SMARCAD1: variants seen among roughly 807,000 people sequenced by gnomAD.
SMARCAD1 encodes the protein SNF2 related chromatin remodeling ATPase with DExD box 1.
In SMARCAD1, 25 loss-of-function variants were observed where a neutral mutation model predicts 127.1. The ratio of observed to expected loss-of-function variants is 0.20; its 90% CI spans 0.14 to 0.27. The LOEUF (loss-of-function observed/expected upper bound fraction) is 0.27. Ranked by LOEUF, SMARCAD1 falls within the 10% of genes least tolerant of loss-of-function variation. The probability of loss-of-function intolerance (pLI) is 1.00; values close to 1 mark genes in which losing one functional copy is unlikely to be tolerated. For missense variants in SMARCAD1, 807 were observed against 1,206.0 expected, an observed-to-expected ratio of 0.67 and a Z score of 4.90; for synonymous variants, 400 against 396.9, an observed-to-expected ratio of 1.01 and a Z score of -0.09.
chr4:94,231,786 T>C (rs1745882301), intron 3 of SMARCAD1, among the ~76,000 whole-genome samples: 2 of 152,178 alleles, frequency 1.3e-5, no homozygotes, highest in South Asian at 4.1e-4. Flanking sequence ...ACTGTGTTAA[T>C]CTAGAATGGG....
chr4:94,224,132 A>G (rs1159829985), intron 2 of SMARCAD1, among the ~76,000 whole-genome samples: 2 of 152,142 alleles, frequency 1.3e-5, no homozygotes, highest in African/African-American at 2.4e-5. Flanking sequence ...CTTCATGTTT[A>G]TGGCAATTAA....
chr4:94,214,401 A>G (rs546865233), intron 2 of SMARCAD1, among the ~76,000 whole-genome samples: 26 of 151,366 alleles, frequency 1.7e-4, no homozygotes, highest in African/African-American at 5.8e-4. Flanking sequence ...AGCTGGGACT[A>G]CAGGTGCCCG....
At chr4:94,247,089 C>T (rs1264616228) in intron 6 of SMARCAD1, among the ~76,000 whole-genome samples, 1 of 147,828 alleles carries the variant, frequency 6.8e-6, no homozygotes, top group Non-Finnish European at 1.5e-5. Flanking sequence ...TCAATATCTG[C>T]AGTTCCTTTA....
At chr4:94,286,206 G>C (rs1754915321) in intron 23 of SMARCAD1, among the ~76,000 whole-genome samples, 1 of 152,170 alleles carries the variant, frequency 6.6e-6, no homozygotes, top group Admixed American at 6.5e-5. Context: ...AGAAATGAAG[G>C]AGGGAGGTTT....
chr4:94,240,858 T>G, intron 5 of SMARCAD1, 48 bp from the exon 6 acceptor site: 1 of 1,407,128 alleles, frequency 7.1e-7, no homozygotes, highest in Non-Finnish European at 1.0e-6. Flanking sequence ...TAAATTGATT[T>G]TTTGCTATTT....
At position 94,244,765 on chromosome 4, in the gene SMARCAD1, A is replaced by C. The variant is rs368068948; in HGVS notation, c.705+3759A>C. Among the ~76,000 whole-genome samples, 123 of 152,180 alleles carry C rather than the reference A, an allele frequency of 8.1e-4. 3 individuals carry two copies. In the South Asian group the frequency reaches 0.025, roughly 31 times the overall value. On this transcript the variant is annotated intron_variant, in intron 6 of 23. Coordinates refer to ENST00000354268, the MANE Select transcript of SMARCAD1 (RefSeq NM_020159.5). The stretch of plus-strand genomic sequence containing the variant: ...AATGCCCCAAAACATTAAAAAAAAA[A>C]AAAAACTTAACTTTAAAAATTCTTA...
At position 94,234,061 on chromosome 4, in the gene SMARCAD1, A is replaced by G; in HGVS notation, c.476A>G (p.Asp159Gly). ...CTTTCGGAATTGGAAGACCTTAAAG[A>G]TGCTAAACTTCAGACTTTGAAGGAA... ...EDLSELEDLK[D>G]AKLQTLKELF... The change falls in exon 4 of 24, where the codon GAT becomes GGT. Residue 159 changes from aspartate to glycine, a missense_variant. By Grantham distance (94) the Asp-to-Gly change is moderately conservative. Transcript: ENST00000354268. 6.2e-7 allele frequency: 1 copy of G among 1,613,710 alleles called. No individual in the cohort carries two copies. The highest frequency in any genetic ancestry group is 8.5e-7 in the Non-Finnish European group (1 of 1,179,788).
In SMARCAD1 at chr4:94,226,229, G is replaced by A. The variant is rs376715102; in HGVS notation, c.301G>A (p.Val101Ile). Residue 101 changes from valine to isoleucine, a missense_variant, in exon 3 of 24, where the codon GTC becomes ATC. Val to Ile is a conservative substitution (Grantham distance 29). Around this residue, in one of 8 missense-constraint regions of SMARCAD1, gnomAD observed 175 missense variants for 169.5 expected, o/e 1.03. Transcript: ENST00000354268. ...TGATTTGTCTTCTGATAGTGAAGAT[G>A]TCGTTTCCCCAAATTGCTCCAATAC... ...YIDLSSDSEDVVSPNCSNTVQ... is the reference protein window; with the variant it reads ...YIDLSSDSEDIVSPNCSNTVQ... 2.5e-6 allele frequency: 4 copies of A among 1,613,270 alleles called. No individual in the cohort carries two copies. Among genetic ancestry groups the A allele is most frequent in the Middle Eastern group, 1.6e-4 (1 of 6,074 alleles).
At chr4:94,259,653 T>TC (rs1260720615) in intron 9 of SMARCAD1, among the ~76,000 whole-genome samples, 2 of 152,186 alleles carry the variant, frequency 1.3e-5, no homozygotes, top group Non-Finnish European at 2.9e-5. Flanking sequence ...GACCTTGTAC[T>TC]CCCCTTCATT....
intron 6 of SMARCAD1, among the ~76,000 whole-genome samples, chr4:94,244,755 T>TA (rs776962533): frequency 0.022 from 3,050 of 141,638 alleles, 38 homozygotes; most frequent in African/African-American, 0.046. Context: ...CCCAAAACAT[T>TA]AAAAAAAAAA....
chr4:94,278,530 T>G lies in SMARCAD1; in HGVS notation c.2178+13T>G. On this transcript the variant is annotated intron_variant, in intron 17 of 23. Transcript: ENST00000354268. ...AGTAAAAGAAGAGGTAATGCATATC[T>G]ACATGTTTTTTATTTTTATTGTTTT... 1.2e-6 allele frequency: 2 copies of G among 1,608,392 alleles called. No individual in the cohort carries two copies. The highest frequency in any genetic ancestry group is 1.7e-6 in the Non-Finnish European group (2 of 1,175,170).
intron 2 of SMARCAD1, among the ~76,000 whole-genome samples, chr4:94,215,987 T>C (rs953619443): frequency 1.3e-5 from 2 of 152,174 alleles, no homozygotes; most frequent in African/African-American, 2.4e-5. Flanking sequence ...GTAACTACCA[T>C]GAACCGGGTA....
intron 23 of SMARCAD1, among the ~76,000 whole-genome samples, chr4:94,286,304 C>T (rs779830089): frequency 2.0e-5 from 3 of 152,190 alleles, no homozygotes; most frequent in Non-Finnish European, 2.9e-5. Flanking sequence ...GTTCCTCAGA[C>T]TCATGTTCTC....
intron 2 of SMARCAD1, among the ~76,000 whole-genome samples, chr4:94,213,988 G>A (rs1372791959): frequency 6.6e-6 from 1 of 152,110 alleles, no homozygotes; most frequent in Non-Finnish European, 1.5e-5. Context: ...GACTAGAATA[G>A]TCATAGAAAA....
At chr4:94,283,986 T>G (rs1018984533) in intron 22 of SMARCAD1, among the ~76,000 whole-genome samples, 1 of 151,506 alleles carries the variant, frequency 6.6e-6, no homozygotes, top group Non-Finnish European at 1.5e-5. Flanking sequence ...GTAAATTATT[T>G]TAGATGAATG....
intron 9 of SMARCAD1, among the ~76,000 whole-genome samples, chr4:94,258,998 C>T (rs1450277058): frequency 6.6e-6 from 1 of 152,158 alleles, no homozygotes; most frequent in Non-Finnish European, 1.5e-5. Flanking sequence ...AATATCCATG[C>T]CCACCCTATA....
At chr4:94,209,191 C>A (rs529979810) in intron 2 of SMARCAD1, among the ~76,000 whole-genome samples, 1 of 152,184 alleles carries the variant, frequency 6.6e-6, no homozygotes, top group Non-Finnish European at 1.5e-5. Flanking sequence ...CCACTCGAAT[C>A]TATGTTCATT....
intron 3 of SMARCAD1, among the ~76,000 whole-genome samples, chr4:94,230,018 G>A (rs951735230): frequency 1.3e-5 from 2 of 152,016 alleles, no homozygotes; most frequent in Non-Finnish European, 2.9e-5. Flanking sequence ...AGGGTATACA[G>A]TCAATGCACT....
rs1339864110 is a variant in SMARCAD1, at chr4:94,264,858, G to C, written c.1433G>C (p.Gly478Ala). The C allele has an allele frequency of 6.2e-7, 1 of 1,612,890 alleles. No homozygotes were observed. The highest frequency in any genetic ancestry group is 8.5e-7 in the Non-Finnish European group (1 of 1,179,258). The change falls in exon 10 of 24, where the codon GGA (glycine) becomes GCA (alanine). Residue 478 changes from glycine to alanine, a missense_variant. Around this residue, in one of 8 missense-constraint regions of SMARCAD1, gnomAD observed 257 missense variants for 303.4 expected, o/e 0.85. Transcript: ENST00000354268. ...ACCAAACAAGTTACCATGCTTACTG[G>C]AAATGGAGGTGGATGGAACATAGAA... ...KLTKQVTMLT[G>A]NGGGWNIEQP...
Sources: allele counts gnomAD v4.1 joint callset (sites outside exome capture counted in the v4.1 genomes callset), GRCh38; gene constraint gnomAD v4.1.1; regional missense constraint gnomAD v4.1.1; transcripts MANE v1.5; gene names NCBI Gene and HGNC (gene_info 2026-07-23, HGNC 2026-07-21).